JAKMIP3: variants seen among roughly 807,000 people sequenced by gnomAD.
JAKMIP3 encodes janus kinase and microtubule-interacting protein 3.
A neutral mutation model predicts 118.5 loss-of-function variants in JAKMIP3; 58 were observed. That is an observed-to-expected ratio of 0.49 (90% CI 0.40 to 0.61). JAKMIP3 has a LOEUF of 0.61. JAKMIP3 is among the 20% of genes least tolerant of loss of function. The probability of loss-of-function intolerance (pLI) is 0.00; values close to 1 mark genes in which losing one functional copy is unlikely to be tolerated. For synonymous variants in JAKMIP3, 486 were observed against 451.2 expected (o/e 1.08, Z -0.98); for missense variants, 950 against 1,109.0 (o/e 0.86, Z 2.04).
intron 1 of JAKMIP3, among the ~76,000 whole-genome samples, chr10:132,100,466 C>T (rs1270244352): frequency 1.3e-5 from 2 of 152,080 alleles, no homozygotes; most frequent in African/African-American, 4.8e-5. Flanking sequence ...AGGAAGGCCA[C>T]GAGAAGACGT....
At chr10:132,180,636 T>C (rs200471301) in intron 23 of JAKMIP3, among the ~76,000 whole-genome samples, 290 of 16,018 alleles carry the variant, frequency 0.018, 43 homozygotes, top group East Asian at 0.09. Flanking sequence ...CGTGTGTGCG[T>C]GCGTGTGTGC....
chr10:132,148,765 G>A (rs1359982766), intron 14 of JAKMIP3, among the ~76,000 whole-genome samples: 1 of 152,230 alleles, frequency 6.6e-6, no homozygotes, highest in African/African-American at 2.4e-5. Flanking sequence ...CCACGTCGCT[G>A]TGATTGTTTC....
chr10:132,093,122 C>T (rs1303545903), intron 1 of JAKMIP3, among the ~76,000 whole-genome samples: 16 of 152,210 alleles, frequency 1.1e-4, no homozygotes, highest in Admixed American at 1.0e-3. Context: ...CTGATCATTC[C>T]TCTGGAAGCT....
At chr10:132,135,228 TCCA>T in intron 5 of JAKMIP3, 68 bp downstream of exon 5, 2 of 1,486,570 alleles carry the variant, frequency 1.3e-6, no homozygotes, top group Non-Finnish European at 1.8e-6. Flanking sequence ...CTGGGGGGCA[TCCA>T]CTTTCAAAAT....
intron 3 of JAKMIP3, among the ~76,000 whole-genome samples, chr10:132,132,445 C>T (rs1472521048): frequency 6.6e-6 from 1 of 152,148 alleles, no homozygotes; most frequent in Non-Finnish European, 1.5e-5. Flanking sequence ...CTGGCTGGCA[C>T]ATTCCTGCCC....
upstream of JAKMIP3, among the ~76,000 whole-genome samples, chr10:132,062,027 G>A (rs545904995): frequency 3.1e-4 from 47 of 152,232 alleles, 1 homozygote; most frequent in South Asian, 9.4e-3. Flanking sequence ...CACGGGTGAT[G>A]AGCCACAGAG....
At chr10:132,078,625 G>GGGT (rs1164993568) in intron 1 of JAKMIP3, among the ~76,000 whole-genome samples, 1,866 of 140,880 alleles carry the variant, frequency 0.013, 54 homozygotes, top group African/African-American at 0.047. Context: ...GGGGCGGGGG[G>GGGT]GGGGGGGGGT....
Position 132,125,152 on chromosome 10 carries a change from G to A in JAKMIP3, c.633+7578G>A, listed in dbSNP as rs1256885119. ...CGGTTTGGACATCCTCTGCCCCTCC[G>A]AGGGCGTGAAGTTGCCCCCTCTGTG... On this transcript the variant is annotated intron_variant, in intron 3 of 23. Transcript: ENST00000684848. Among the ~76,000 whole-genome samples the A allele has an allele frequency of 6.6e-5, 10 of 152,336 alleles. No homozygotes were observed. The East Asian group carries it at 7.7e-4, about 12-fold the overall frequency.
At chr10:132,141,669 G>A (rs867920187) in intron 10 of JAKMIP3, among the ~76,000 whole-genome samples, 2 of 152,118 alleles carry the variant, frequency 1.3e-5, no homozygotes, top group Admixed American at 6.5e-5. Context: ...CCGTGCAGCC[G>A]ACTCAGCTCC....
chr10:132,106,293 G>A (rs1206628874), intron 2 of JAKMIP3, among the ~76,000 whole-genome samples: 1 of 151,948 alleles, frequency 6.6e-6, no homozygotes, highest in Non-Finnish European at 1.5e-5. Flanking sequence ...AGCTGTGATT[G>A]TGCCACTGTA....
intron 3 of JAKMIP3, among the ~76,000 whole-genome samples, chr10:132,122,993 C>T (rs372112248): frequency 4.6e-5 from 7 of 152,326 alleles, no homozygotes; most frequent in East Asian, 1.9e-4. Context: ...CTTGATTTTA[C>T]AGCAGAGGAA....
At chr10:132,154,560 G>A (rs984049021) in intron 19 of JAKMIP3, among the ~76,000 whole-genome samples, 2 of 152,204 alleles carry the variant, frequency 1.3e-5, no homozygotes, top group South Asian at 2.1e-4. Flanking sequence ...ATCACGTGAC[G>A]GAAGGTACGA....
intron 23 of JAKMIP3, among the ~76,000 whole-genome samples, chr10:132,180,525 G>C (rs567388984): frequency 4.2e-4 from 14 of 33,274 alleles, no homozygotes; most frequent in South Asian, 2.0e-3. Context: ...AAGCAGAACT[G>C]TGTGTGTGTG....
intron 2 of JAKMIP3, among the ~76,000 whole-genome samples, chr10:132,110,156 C>A (rs926040353): frequency 6.6e-6 from 1 of 152,196 alleles, no homozygotes; most frequent in Non-Finnish European, 1.5e-5. Flanking sequence ...AACAGACCGA[C>A]CCTGCCCCAC....
intron 1 of JAKMIP3, among the ~76,000 whole-genome samples, chr10:132,079,886 G>C (rs1055018208): frequency 6.6e-6 from 1 of 152,232 alleles, no homozygotes; most frequent in Admixed American, 6.5e-5. Flanking sequence ...CTTGTGTGTA[G>C]ACCACATCTT....
At chr10:132,178,301 A>T (rs1160835604) in intron 23 of JAKMIP3, among the ~76,000 whole-genome samples, 1 of 152,212 alleles carries the variant, frequency 6.6e-6, no homozygotes, top group Non-Finnish European at 1.5e-5. Context: ...CAGGGAGTTG[A>T]TAACAGCACT....
intron 1 of JAKMIP3, among the ~76,000 whole-genome samples, chr10:132,054,979 C>T (rs1324340846): frequency 6.6e-6 from 1 of 151,698 alleles, no homozygotes; most frequent in Admixed American, 6.6e-5. Flanking sequence ...ACCGAGGACC[C>T]TCCGCTTGGG....
chr10:132,073,126 T>C (rs1329564549), intron 1 of JAKMIP3, among the ~76,000 whole-genome samples: 2 of 152,258 alleles, frequency 1.3e-5, no homozygotes, highest in African/African-American at 4.8e-5. Context: ...TGTGTGTGTG[T>C]ATGTAGAACA....
In JAKMIP3 at chr10:132,049,320, C is replaced by T. The variant is rs2038032726; in HGVS notation, c.-138+12582C>T. Among the ~76,000 whole-genome samples, 1 of 152,110 alleles carries T rather than the reference C, an allele frequency of 6.6e-6. No homozygotes were observed. ...CTTCCTTAGGGCTGGGAGTGCTGCC[C>T]TCCTCCTCACCTTCCACTTCCTCCT... is the stretch of plus-strand genomic sequence containing the variant. On this transcript the variant is annotated intron_variant, in intron 1 of 23. Coordinates refer to the JAKMIP3 transcript ENST00000657785. The surrounding 1 kb of genome is among the most constrained non-coding windows in gnomAD (Gnocchi z 4.3).
Sources: gnomAD v4.1 joint callset for allele counts (sites outside exome capture counted in the v4.1 genomes callset) on GRCh38, gnomAD v4.1.1 for gene constraint, Gnocchi (gnomAD v3.1) non-coding constraint, MANE v1.5 for transcripts, NCBI Gene and HGNC (gene_info 2026-07-23, HGNC 2026-07-21) for gene names.